The following KMT2A variants were observed in gnomAD, a reference collection of about 807,000 sequenced individuals.
KMT2A encodes lysine methyltransferase 2A, also known as histone-lysine N-methyltransferase 2A.
Under a neutral mutation model 345.3 loss-of-function variants are expected in KMT2A, and 16 were observed. The observed-to-expected ratio is 0.05, with a 90% confidence interval of 0.03 to 0.07. The LOEUF (loss-of-function observed/expected upper bound fraction) is 0.07, where lower values mean the gene tolerates loss of function less well. Among genes scored for constraint, KMT2A ranks in the 10% least tolerant of loss-of-function variants. The probability of loss-of-function intolerance (pLI) is 1.00; values close to 1 mark genes in which losing one functional copy is unlikely to be tolerated. For synonymous variants in KMT2A, 1,599 were observed against 1,778.6 expected (o/e 0.90, Z 2.54); for missense variants, 3,272 against 4,841.6 (o/e 0.68, Z 9.62).
At chr11:118,463,723 AAC>A (rs1355657785) in intron 1 of KMT2A, among the ~76,000 whole-genome samples, 1 of 152,170 alleles carries the variant, frequency 6.6e-6, no homozygotes, top group Non-Finnish European at 1.5e-5. Flanking sequence ...ATTTTCTTCA[AAC>A]ACAACAATAA....
chr11:118,449,673 G>T (rs1949493625), intron 1 of KMT2A: 1 of 151,390 alleles, frequency 6.6e-6, no homozygotes, highest in African/African-American at 2.4e-5. Context: ...GTTCACTTTT[G>T]TCATCTAATT....
chr11:118,480,725 T>C (rs932046702), intron 6 of KMT2A, among the ~76,000 whole-genome samples: 1 of 152,122 alleles, frequency 6.6e-6, no homozygotes, highest in Non-Finnish European at 1.5e-5. Context: ...TGCAGTAGCA[T>C]GATTATGACT....
Position 118,504,505 on chromosome 11 carries a change from G to A in KMT2A, c.8613G>A (p.Glu2871=), listed in dbSNP as rs781928099. ...TGCAGGCTTTGGGTGAGAGCCCAGA[G>A]TCATCTTCATCAGAACTCCTGAATC... ...PSMQALGESP[E]SSSSELLNLG... is the part of the protein sequence containing the mutation. Residue 2871 remains glutamate (E), a synonymous_variant, in exon 27 of 36, where the codon GAG becomes GAA. Coordinates refer to ENST00000534358, the MANE Select transcript of KMT2A (RefSeq NM_001197104.2). The surrounding 1 kb of genome is among the most constrained non-coding windows in gnomAD (Gnocchi z 6.4). The A allele has an allele frequency of 6.2e-7, 1 of 1,614,216 alleles. No individual in the cohort carries two copies. Among genetic ancestry groups the A allele is most frequent in the Non-Finnish European group, 8.5e-7 (1 of 1,180,038 alleles).
chr11:118,518,508 C>T (rs782187838), intron 31 of KMT2A, among the ~76,000 whole-genome samples: 2 of 152,076 alleles, frequency 1.3e-5, no homozygotes, highest in Non-Finnish European at 2.9e-5. Flanking sequence ...TGGCTGGGTG[C>T]TGTGGCTCAC....
At chr11:118,447,797 A>ACGGCG in intron 1 of KMT2A, 1 of 247,372 alleles carries the variant, frequency 4.0e-6, no homozygotes, top group Admixed American at 5.1e-5. Context: ...TAGGAATGGT[A>ACGGCG]ACCAGCGGTT....
At chr11:118,446,002 T>C (rs1949412687) in intron 1 of KMT2A, among the ~76,000 whole-genome samples, 1 of 151,578 alleles carries the variant, frequency 6.6e-6, no homozygotes, top group Non-Finnish European at 1.5e-5. Context: ...AGACTCTGTC[T>C]CCAAAAAAAA....
chr11:118,504,559 T>C lies in KMT2A; in HGVS notation c.8667T>C (p.Asn2889=). Residue 2889 remains asparagine, a synonymous_variant, in exon 27 of 36, where the codon AAT becomes AAC. Coordinates refer to ENST00000534358, the MANE Select transcript of KMT2A (RefSeq NM_001197104.2). The surrounding 1 kb of genome is among the most constrained non-coding windows in gnomAD (Gnocchi z 6.4). ...GTGAAGGATTGGGTCTTGACAGTAA[T>C]CGTGAAAAAGACATGGGTCTTTTTG... is the stretch of plus-strand genomic sequence containing the variant. ...NLGEGLGLDS[N]REKDMGLFEV... 1 of 1,614,168 alleles carries C rather than the reference T, an allele frequency of 6.2e-7. No individual in the cohort carries two copies. The highest frequency in any genetic ancestry group is 8.5e-7 in the Non-Finnish European group (1 of 1,180,038).
In KMT2A at chr11:118,504,261, G is replaced by C; in HGVS notation, c.8369G>C (p.Ser2790Thr). The part of the protein sequence containing the change: ...EPKMDNCHSV[S>T]RVKTQGQDSL... ...AAGATGGATAACTGCCATTCTGTAAGCAGAGTTAAAACACAGGGACAAGAT... is the reference window on the plus strand; with the variant it reads ...AAGATGGATAACTGCCATTCTGTAACCAGAGTTAAAACACAGGGACAAGAT... The change falls in exon 27 of 36, where the codon AGC (serine) becomes ACC (threonine). Residue 2790 changes from serine (S) to threonine (T), a missense_variant. Coordinates refer to ENST00000534358, the MANE Select transcript of KMT2A (RefSeq NM_001197104.2). The surrounding 1 kb of genome is among the most constrained non-coding windows in gnomAD (Gnocchi z 6.4). 6.2e-7 allele frequency: 1 copy of C among 1,614,140 alleles called. No individual in the cohort carries two copies. Among genetic ancestry groups the C allele is most frequent in the Non-Finnish European group, 8.5e-7 (1 of 1,180,038 alleles).
At position 118,504,631 on chromosome 11, in the gene KMT2A, T is replaced by G; in HGVS notation, c.8739T>G (p.Ser2913Arg). The change falls in exon 27 of 36, where the codon AGT becomes AGG. Residue 2913 changes from serine to arginine, a missense_variant. Transcript: ENST00000534358. This position sits in a 1 kb window ranked among gnomAD's most constrained non-coding sequence, Gnocchi z 6.4. ...CTACAACAGAACCTGTGGATAGTAG[T>G]GTCTCTTCCTCTATCTCAGCAGAGG... ...QLPTTEPVDS[S>R]VSSSISAEEQ... The G allele has an allele frequency of 6.2e-7, 1 of 1,614,074 alleles. No individual in the cohort carries two copies. The highest frequency in any genetic ancestry group is 8.5e-7 in the Non-Finnish European group (1 of 1,179,924).
Position 118,496,989 on chromosome 11 carries a change from GT to G in KMT2A, c.5664+629del, listed in dbSNP as rs1324533864. Among the ~76,000 whole-genome samples, 5 of 152,022 alleles carry G rather than the reference GT, an allele frequency of 3.3e-5. No homozygotes were observed. Among genetic ancestry groups the G allele is most frequent in the Admixed American group, 2.6e-4 (4 of 15,260 alleles). ...TGTGTTTTTTGTTTTGTTTTGTTTT[GT>G]TTTTTTGAGCGGAGTTTCGCTCTTG... On this transcript the variant is annotated intron_variant, in intron 20 of 35. Coordinates refer to ENST00000534358, the MANE Select transcript of KMT2A (RefSeq NM_001197104.2). The surrounding 1 kb of genome is among the most constrained non-coding windows in gnomAD (Gnocchi z 4.7).
rs1180761616 is a variant in KMT2A, at chr11:118,472,956, T to G, written c.1797T>G (p.Ala599=). The G allele has an allele frequency of 1.2e-6, 2 of 1,614,120 alleles. No individual in the cohort carries two copies. Among genetic ancestry groups the G allele is most frequent in the Non-Finnish European group, 1.7e-6 (2 of 1,180,024 alleles). ...CCTTAGCATCACCATTTTTGCCTGC[T>G]TCCACTGCTCCTATGCAAGGGAAGC... ...TIPLASPFLP[A]STAPMQGKRK... Residue 599 remains alanine, a synonymous_variant, in exon 3 of 36, where the codon GCT becomes GCG. Coordinates refer to ENST00000534358, the MANE Select transcript of KMT2A (RefSeq NM_001197104.2).
chr11:118,437,474 C>T (rs913529515), intron 1 of KMT2A, among the ~76,000 whole-genome samples: 1 of 151,786 alleles, frequency 6.6e-6, no homozygotes, highest in Admixed American at 6.6e-5. Context: ...CCCGATGAAC[C>T]CTCGCGCCAT....
At position 118,497,362 on chromosome 11, in the gene KMT2A, T is replaced by C. The variant is rs1950426581; in HGVS notation, c.5665-574T>C. Among the ~76,000 whole-genome samples, 2 of 152,178 alleles carry C rather than the reference T, an allele frequency of 1.3e-5. No individual in the cohort carries two copies. Among genetic ancestry groups the C allele is most frequent in the African/African-American group, 2.4e-5 (1 of 41,448 alleles). On this transcript the variant is annotated intron_variant, in intron 20 of 35. Transcript: ENST00000534358. This position sits in a 1 kb window ranked among gnomAD's most constrained non-coding sequence, Gnocchi z 4.8. ...TTGAAATACAGTTTATAGATGTCACTGCACATTTTTATAAACTTACCACCT... is the reference window on the plus strand; with the variant it reads ...TTGAAATACAGTTTATAGATGTCACCGCACATTTTTATAAACTTACCACCT...
intron 31 of KMT2A, among the ~76,000 whole-genome samples, chr11:118,515,241 C>T (rs1012946668): frequency 1.3e-5 from 2 of 152,220 alleles, no homozygotes; most frequent in African/African-American, 2.4e-5. Context: ...GACCTATTTC[C>T]TCCATCTACT....
chr11:118,516,232 G>A (rs1198420042), intron 31 of KMT2A, among the ~76,000 whole-genome samples: 1 of 152,190 alleles, frequency 6.6e-6, no homozygotes. Flanking sequence ...GAAATAGAGA[G>A]TGACACAGAG....
rs1950324033 is a variant in KMT2A, at chr11:118,491,523, T to C, written c.4819+205T>C. ...TTTAAAGTATTTATTTGCTGTCCTTTGTGTGTTCCATAACCTGATTCTCAA... is the reference window on the plus strand; with the variant it reads ...TTTAAAGTATTTATTTGCTGTCCTTCGTGTGTTCCATAACCTGATTCTCAA... On this transcript the variant is annotated intron_variant, in intron 14 of 35. Transcript: ENST00000534358. This position sits in a 1 kb window ranked among gnomAD's most constrained non-coding sequence, Gnocchi z 4.2. Among the ~76,000 whole-genome samples the C allele has an allele frequency of 6.6e-6, 1 of 152,226 alleles. No individual in the cohort carries two copies.
At chr11:118,451,364 A>C (rs1949533298) in intron 1 of KMT2A, among the ~76,000 whole-genome samples, 1 of 151,772 alleles carries the variant, frequency 6.6e-6, no homozygotes, top group Non-Finnish European at 1.5e-5. Context: ...GGCTCACAAC[A>C]CCATGCCTAC....
At chr11:118,511,873 G>A (rs1555050152) in intron 30 of KMT2A, 78 bp from the exon 31 acceptor site, 1 of 1,089,552 alleles carries the variant, frequency 9.2e-7, no homozygotes, top group African/African-American at 1.5e-5. Context: ...TCTAAGCAGT[G>A]CTTGTGCACA....
chr11:118,494,771 A>C lies in KMT2A; in HGVS notation c.5363+4A>C. On this transcript the variant is annotated splice_donor_region_variant and intron_variant, in intron 18 of 35. Transcript: ENST00000534358. The surrounding 1 kb of genome is among the most constrained non-coding windows in gnomAD (Gnocchi z 5.8). Reference sequence around the variant, plus strand: ...AGCCAAATAAAGTATCAAGCAAGTAAGTGAATTTAGCATAACTTTTTTTTC... The same window carrying C: ...AGCCAAATAAAGTATCAAGCAAGTACGTGAATTTAGCATAACTTTTTTTTC... The C allele has an allele frequency of 6.2e-7, 1 of 1,610,916 alleles. No individual in the cohort carries two copies. Among genetic ancestry groups the C allele is most frequent in the South Asian group, 1.1e-5 (1 of 90,900 alleles).
Sources: gnomAD v4.1 joint callset for allele counts (sites outside exome capture counted in the v4.1 genomes callset) on GRCh38, gnomAD v4.1.1 for gene constraint, Gnocchi (gnomAD v3.1) non-coding constraint, MANE v1.5 for transcripts, NCBI Gene and HGNC (gene_info 2026-07-23, HGNC 2026-07-21) for gene names.